CLASP2: variants seen among roughly 807,000 people sequenced by gnomAD.
The protein encoded by CLASP2 is cytoplasmic linker associated protein 2.
A neutral mutation model predicts 194.4 loss-of-function variants in CLASP2; 47 were observed. The observed-to-expected ratio is 0.24, with a 90% CI of 0.19 to 0.31. The LOEUF is 0.31. Among genes scored for constraint, CLASP2 ranks in the 10% least tolerant of loss-of-function variants. The pLI, the probability that CLASP2 is intolerant of heterozygous loss-of-function variation, is 1.00. For missense variants in CLASP2, 1,445 were observed against 1,823.6 expected (o/e 0.79, Z 3.78); for synonymous variants, 619 against 633.5 (o/e 0.98, Z 0.34).
chr3:33,622,943 G>GGATTACA (rs1287360015), intron 10 of CLASP2, among the ~76,000 whole-genome samples: 1 of 151,826 alleles, frequency 6.6e-6, no homozygotes, highest in African/African-American at 2.4e-5. Context: ...CCAGTAGCTG[G>GGATTACA]GATTACAGAT....
intron 5 of CLASP2, 58 bp from the exon 6 acceptor site, chr3:33,684,514 A>T: frequency 8.5e-7 from 1 of 1,183,138 alleles, no homozygotes; most frequent in Non-Finnish European, 1.2e-6. Context: ...AAAATACTTC[A>T]TCTCAAGGTA....
intron 21 of CLASP2, among the ~76,000 whole-genome samples, chr3:33,591,349 A>G (rs1173061170): frequency 3.3e-5 from 5 of 152,228 alleles, no homozygotes; most frequent in Admixed American, 2.0e-4. Flanking sequence ...ATGGTGGCTC[A>G]CACCTGTAAT....
intron 7 of CLASP2, among the ~76,000 whole-genome samples, chr3:33,650,310 T>A (rs184632013): frequency 4.4e-4 from 67 of 152,332 alleles, no homozygotes; most frequent in Middle Eastern, 6.8e-3. Context: ...TTAGGATACA[T>A]ACAGTAGGTG....
intron 1 of CLASP2, among the ~76,000 whole-genome samples, chr3:33,706,443 C>T (rs1008951890): frequency 2.6e-5 from 4 of 152,132 alleles, no homozygotes; most frequent in Non-Finnish European, 1.5e-5. Context: ...ACACAAAAGA[C>T]TATTTTCAAG....
At chr3:33,555,366 ATTTTTTT>A (rs68163303) in intron 29 of CLASP2, among the ~76,000 whole-genome samples, 6 of 141,926 alleles carry the variant, frequency 4.2e-5, no homozygotes, top group African/African-American at 7.8e-5. Flanking sequence ...TAATATTCTG[ATTTTTTT>A]TTTTTTTTTT....
chr3:33,498,850 G>T, intron 38 of CLASP2, 133 bp from the exon 39 acceptor site: 1 of 442,556 alleles, frequency 2.3e-6, no homozygotes, highest in South Asian at 6.7e-5. Context: ...TAATGCCCAA[G>T]TTATTGTTGA....
intron 20 of CLASP2, 169 bp from the exon 21 acceptor site, chr3:33,592,665 T>TA (rs1157941788): frequency 1.1e-5 from 7 of 662,506 alleles, no homozygotes; most frequent in South Asian, 3.4e-5. Flanking sequence ...ATTTTTTTTT[T>TA]ACGTGTTATA....
chr3:33,517,443 T>C (rs533944228), intron 34 of CLASP2, among the ~76,000 whole-genome samples: 1 of 152,358 alleles, frequency 6.6e-6, no homozygotes, highest in African/African-American at 2.4e-5. Flanking sequence ...TAACAGTTTT[T>C]AAGATTTTAC....
In CLASP2 at chr3:33,619,661, G is replaced by T; in HGVS notation, c.1259C>A (p.Pro420His). 6.4e-7 allele frequency: 1 copy of T among 1,558,998 alleles called. No individual in the cohort carries two copies. The highest frequency in any genetic ancestry group is 2.4e-5 in the East Asian group (1 of 41,468). ...AGTTGCCATGACTTTTGCACTATTG[G>T]GGACGAGATTAAAAAGTGTAGGTAC... ...AIVPTLFNLV[P>H]NSAKVMATSG... is the part of the protein sequence containing the mutation. Residue 420 changes from proline to histidine, a missense_variant, in exon 12 of 39, where the codon CCC becomes CAC. Around this residue, in one of 4 missense-constraint regions of CLASP2, gnomAD observed 207 missense variants for 331.4 expected, o/e 0.62. Coordinates refer to ENST00000682230, the MANE Select transcript of CLASP2 (RefSeq NM_001365631.1).
chr3:33,613,158 T>G (rs148934776), intron 12 of CLASP2, among the ~76,000 whole-genome samples: 1 of 152,318 alleles, frequency 6.6e-6, no homozygotes, highest in African/African-American at 2.4e-5. Context: ...CATTACATAT[T>G]AATTTTTTGT....
intron 34 of CLASP2, among the ~76,000 whole-genome samples, chr3:33,531,308 T>C (rs1157252465): frequency 2.0e-5 from 3 of 152,112 alleles, no homozygotes; most frequent in Non-Finnish European, 2.9e-5. Flanking sequence ...TCTGACAAGA[T>C]ATTAATATCC....
In CLASP2 at chr3:33,576,254, T is replaced by C. The variant is rs1436126681; in HGVS notation, c.2369A>G (p.Gln790Arg). 1 of 1,613,574 alleles carries C rather than the reference T, an allele frequency of 6.2e-7. No homozygotes were observed. Among genetic ancestry groups the C allele is most frequent in the African/African-American group, 1.3e-5 (1 of 74,898 alleles). ...AACAGAAGACGACAGTCGACTTGAT[T>C]GGCTGATCCCATAACCTGGACCTAA... The part of the protein sequence containing the change: ...QPLGPGYGIS[Q>R]SSRLSSSVSA... The change falls in exon 24 of 39, where the codon CAA (glutamine) becomes CGA (arginine). Residue 790 changes from glutamine (Q) to arginine (R), a missense_variant. By Grantham distance (43) the Gln-to-Arg change is conservative (BLOSUM62 1). Transcript: ENST00000682230.
chr3:33,653,951 G>A (rs997284545), intron 7 of CLASP2, among the ~76,000 whole-genome samples: 3 of 151,094 alleles, frequency 2.0e-5, no homozygotes, highest in Non-Finnish European at 4.4e-5. Context: ...GGTGGAATAC[G>A]TGAAATCAGC....
At chr3:33,605,081 A>G (rs2073450302) in intron 16 of CLASP2, among the ~76,000 whole-genome samples, 1 of 152,242 alleles carries the variant, frequency 6.6e-6, no homozygotes, top group South Asian at 2.1e-4. Context: ...ATGTTTAAAA[A>G]TGTTACATTA....
At chr3:33,651,447 A>G (rs925449340) in intron 7 of CLASP2, among the ~76,000 whole-genome samples, 6 of 151,858 alleles carry the variant, frequency 4.0e-5, no homozygotes, top group African/African-American at 1.5e-4. Context: ...TGCTGCCCCA[A>G]GCCCAGCAGA....
At chr3:33,712,961 G>C (rs61483219) in intron 1 of CLASP2, among the ~76,000 whole-genome samples, 27,203 of 136,126 alleles carry the variant, frequency 0.2, 2,885 homozygotes, top group Admixed American at 0.36. Context: ...CCTGAGCAAA[G>C]AGCTGAGACC....
chr3:33,518,846 G>A (rs1226609992), intron 34 of CLASP2, among the ~76,000 whole-genome samples: 1 of 152,206 alleles, frequency 6.6e-6, no homozygotes, highest in African/African-American at 2.4e-5. Context: ...AGCACAGATT[G>A]TTACAAAACT....
intron 23 of CLASP2, among the ~76,000 whole-genome samples, chr3:33,581,103 T>C (rs1460888087): frequency 7.4e-6 from 1 of 135,946 alleles, no homozygotes; most frequent in Non-Finnish European, 1.6e-5. Flanking sequence ...TTAAACAAAA[T>C]ACTAGTTAAA....
chr3:33,563,993 G>A (rs537767036), intron 27 of CLASP2: 2 of 441,160 alleles, frequency 4.5e-6, no homozygotes, highest in East Asian at 1.4e-4. Flanking sequence ...TCAAGTCCTA[G>A]TCAAGAAACT....
Sources: gnomAD v4.1 joint callset for allele counts (sites outside exome capture counted in the v4.1 genomes callset) on GRCh38, gnomAD v4.1.1 for gene constraint, gnomAD v4.1.1 regional missense constraint, MANE v1.5 for transcripts, NCBI Gene and HGNC (gene_info 2026-07-23, HGNC 2026-07-21) for gene names.